NRXN1: variants seen among roughly 807,000 people sequenced by gnomAD.
NRXN1 encodes neurexin 1, also known as neurexin-1.
A neutral mutation model predicts 150.9 loss-of-function variants in NRXN1; 39 were observed. That is an observed-to-expected ratio of 0.26 (90% CI 0.20 to 0.34). The LOEUF (loss-of-function observed/expected upper bound fraction) is 0.34, where lower values mean the gene tolerates loss of function less well. Ranked by LOEUF, NRXN1 falls within the 10% of genes least tolerant of loss-of-function variation. The pLI is 1.00. For missense variants in NRXN1, 1,815 were observed against 1,949.9 expected (o/e 0.93, Z 1.30); for synonymous variants, 924 against 757.0 (o/e 1.22, Z -3.62).
At chr2:50,760,941 A>G (rs183717059) in intron 5 of NRXN1, among the ~76,000 whole-genome samples, 34 of 151,976 alleles carry the variant, frequency 2.2e-4, no homozygotes, top group African/African-American at 8.2e-4. Context: ...ATACCTCCCA[A>G]ATGATTTTCT....
At chr2:49,941,253 C>G (rs1264316224) in intron 22 of NRXN1, among the ~76,000 whole-genome samples, 1 of 151,214 alleles carries the variant, frequency 6.6e-6, no homozygotes, top group Non-Finnish European at 1.5e-5. Context: ...AGAAAGATTC[C>G]CTGGAGTATG....
intron 5 of NRXN1, among the ~76,000 whole-genome samples, chr2:50,786,229 A>G (rs529908723): frequency 6.6e-6 from 1 of 152,262 alleles, no homozygotes; most frequent in South Asian, 2.1e-4. Context: ...GCACATAATG[A>G]GGGCCATCTA....
At chr2:50,891,130 T>C (rs978242260) in intron 5 of NRXN1, among the ~76,000 whole-genome samples, 1 of 152,016 alleles carries the variant, frequency 6.6e-6, no homozygotes, top group Non-Finnish European at 1.5e-5. Context: ...TCAGTAACTA[T>C]TGATTGTTTA....
At chr2:50,155,548 T>C (rs1172510014) in intron 18 of NRXN1, among the ~76,000 whole-genome samples, 1 of 151,650 alleles carries the variant, frequency 6.6e-6, no homozygotes, top group Non-Finnish European at 1.5e-5. Flanking sequence ...CAAATTGTTA[T>C]ATAATTTGGT....
At chr2:50,307,726 T>C (rs2074764326) in intron 17 of NRXN1, among the ~76,000 whole-genome samples, 1 of 152,172 alleles carries the variant, frequency 6.6e-6, no homozygotes, top group Non-Finnish European at 1.5e-5. Flanking sequence ...ACTGCCTCCA[T>C]AATGACTTTA....
chr2:50,395,481 C>T (rs557224330), intron 17 of NRXN1, among the ~76,000 whole-genome samples: 2 of 151,918 alleles, frequency 1.3e-5, no homozygotes, highest in Admixed American at 6.6e-5. Flanking sequence ...TGGATTCTAA[C>T]GTATATATCA....
chr2:50,538,538 C>A lies in NRXN1; in HGVS notation c.1858G>T (p.Glu620Ter). Residue 620 changes from glutamate (E) to a stop codon, truncating the protein, a stop_gained, in exon 10 of 23, where the codon GAA becomes TAA. Transcript: ENST00000401669. LOFTEE classifies it high-confidence loss of function. ...GGGAAGACAAGGCCAGCTTTATTTTCTGGCAGCCCCCCCAGGTACAACTCA... is the reference window on the plus strand; with the variant it reads ...GGGAAGACAAGGCCAGCTTTATTTTATGGCAGCCCCCCCAGGTACAACTCA... Reference protein sequence around the residue: ...DDELYLGGLPENKAGLVFPTE... With the variant: ...DDELYLGGLP 1.3e-6 allele frequency: 2 copies of A among 1,590,394 alleles called. No individual in the cohort carries two copies.
intron 2 of NRXN1, among the ~76,000 whole-genome samples, chr2:50,933,087 C>T (rs1296577385): frequency 6.6e-6 from 1 of 151,882 alleles, no homozygotes; most frequent in Non-Finnish European, 1.5e-5. Context: ...ATATTTTGTC[C>T]TACTTTAAGA....
chr2:50,122,449 T>C (rs1574031814), intron 18 of NRXN1, among the ~76,000 whole-genome samples: 2 of 152,252 alleles, frequency 1.3e-5, no homozygotes, highest in East Asian at 3.9e-4. Flanking sequence ...CCCTCTTTCC[T>C]GTGGCCTATA....
chr2:50,698,792 C>T (rs1693309235), intron 5 of NRXN1, among the ~76,000 whole-genome samples: 1 of 152,182 alleles, frequency 6.6e-6, no homozygotes, highest in Non-Finnish European at 1.5e-5. Context: ...AGAAGGTTTT[C>T]TCTTTCCTGA....
intron 17 of NRXN1, among the ~76,000 whole-genome samples, chr2:50,329,640 TA>T (rs1558536665): frequency 3.6e-4 from 2 of 5,620 alleles, no homozygotes; most frequent in East Asian, 0.048. Flanking sequence ...TATATATATA[TA>T]TATATATATA....
chr2:50,688,909 T>C (rs1691650187), intron 5 of NRXN1, among the ~76,000 whole-genome samples: 1 of 152,212 alleles, frequency 6.6e-6, no homozygotes, highest in Non-Finnish European at 1.5e-5. Context: ...TTCAGGTTTT[T>C]TGTTGCATCA....
At chr2:50,056,782 C>CA (rs1208035972) in intron 19 of NRXN1, among the ~76,000 whole-genome samples, 2 of 152,034 alleles carry the variant, frequency 1.3e-5, no homozygotes, top group Non-Finnish European at 2.9e-5. Flanking sequence ...GCATGTTTGA[C>CA]ATGTGTAATT....
At chr2:50,082,420 G>T (rs1376936714) in intron 19 of NRXN1, among the ~76,000 whole-genome samples, 2 of 152,140 alleles carry the variant, frequency 1.3e-5, no homozygotes, top group Non-Finnish European at 2.9e-5. Context: ...AGAAGTTAAA[G>T]GGGGAAATTT....
chr2:50,844,773 C>A (rs911536795), intron 5 of NRXN1, among the ~76,000 whole-genome samples: 8 of 152,190 alleles, frequency 5.3e-5, no homozygotes, highest in South Asian at 4.1e-4. Flanking sequence ...GAGGCCAGAG[C>A]AAGTATCATG....
At chr2:50,201,270 C>A (rs183376164) in intron 18 of NRXN1, among the ~76,000 whole-genome samples, 1 of 152,042 alleles carries the variant, frequency 6.6e-6, no homozygotes, top group South Asian at 2.1e-4. Flanking sequence ...CTTGGTTGAA[C>A]GACGGAATCA....
intron 17 of NRXN1, among the ~76,000 whole-genome samples, chr2:50,443,908 A>C (rs74800634): frequency 0.011 from 1,682 of 152,302 alleles, 31 homozygotes; most frequent in African/African-American, 0.037. Flanking sequence ...ATTTAAAAAT[A>C]ACTTAAATAT....
chr2:50,224,418 G>A (rs978318635), intron 18 of NRXN1, among the ~76,000 whole-genome samples: 1 of 151,854 alleles, frequency 6.6e-6, no homozygotes, highest in Non-Finnish European at 1.5e-5. Flanking sequence ...GTTTAGATCA[G>A]TGTGTGTTCC....
intron 19 of NRXN1, among the ~76,000 whole-genome samples, chr2:50,074,457 T>A (rs1052079817): frequency 6.6e-6 from 1 of 152,170 alleles, no homozygotes; most frequent in African/African-American, 2.4e-5. Flanking sequence ...CAAGTTACTA[T>A]ATCTTCTGTA....
Sources: gnomAD v4.1 joint callset for allele counts (sites outside exome capture counted in the v4.1 genomes callset) on GRCh38, gnomAD v4.1.1 for gene constraint, MANE v1.5 for transcripts, NCBI Gene and HGNC (gene_info 2026-07-23, HGNC 2026-07-21) for gene names.